Variants in GABRG3 observed in about 807,000 individuals in gnomAD.
GABRG3 encodes the protein gamma-aminobutyric acid receptor subunit gamma-3.
Under a neutral mutation model 48.8 loss-of-function variants are expected in GABRG3, and 25 were observed. That is an observed-to-expected ratio of 0.51 (90% CI 0.37 to 0.72). GABRG3 has a LOEUF of 0.72. GABRG3 is among the 30% of genes least tolerant of loss of function. The pLI is 0.00. For missense variants in GABRG3, 394 were observed against 577.9 expected, an observed-to-expected ratio of 0.68 and a Z score of 3.26; for synonymous variants, 227 against 217.6, an observed-to-expected ratio of 1.04 and a Z score of -0.38.
At chr15:27,466,167 G>A (rs528970550) in intron 5 of GABRG3, among the ~76,000 whole-genome samples, 44 of 152,294 alleles carry the variant, frequency 2.9e-4, no homozygotes, top group South Asian at 1.0e-3. Flanking sequence ...AGAGTCTGGC[G>A]TAGTTTCTAA....
At chr15:27,178,258 C>G (rs1887810169) in intron 3 of GABRG3, among the ~76,000 whole-genome samples, 1 of 152,204 alleles carries the variant, frequency 6.6e-6, no homozygotes, top group South Asian at 2.1e-4. Context: ...GTGTGAGTCA[C>G]ACCTACCTGG....
chr15:27,192,544 C>T (rs1187139312), intron 3 of GABRG3, among the ~76,000 whole-genome samples: 9 of 152,184 alleles, frequency 5.9e-5, no homozygotes, highest in Admixed American at 2.6e-4. Flanking sequence ...GCATTCTTCA[C>T]GTAGTTCTTG....
At chr15:27,308,643 T>G (rs1892850680) in intron 3 of GABRG3, among the ~76,000 whole-genome samples, 2 of 149,242 alleles carry the variant, frequency 1.3e-5, no homozygotes, top group Admixed American at 1.3e-4. Flanking sequence ...AATGTAAACA[T>G]ACGCTTATGT....
chr15:27,284,134 G>A (rs1307229567), intron 3 of GABRG3, among the ~76,000 whole-genome samples: 1 of 152,166 alleles, frequency 6.6e-6, no homozygotes, highest in Non-Finnish European at 1.5e-5. Flanking sequence ...ACTTATATTA[G>A]ACTTCAACTG....
At chr15:27,050,750 T>C (rs972487843) in intron 3 of GABRG3, among the ~76,000 whole-genome samples, 1 of 152,066 alleles carries the variant, frequency 6.6e-6, no homozygotes, top group African/African-American at 2.4e-5. Flanking sequence ...ATTAACTATT[T>C]CTTAAGTTAT....
At chr15:27,305,111 T>A (rs1313272004) in intron 3 of GABRG3, among the ~76,000 whole-genome samples, 1 of 151,892 alleles carries the variant, frequency 6.6e-6, no homozygotes. Context: ...TAACTTTCCA[T>A]ATGGTGTAAG....
rs2150867142 is a variant in GABRG3, at chr15:27,533,056, TTACACACACACATACA to T, written c.*188_*203del. 1.7e-6 allele frequency: 1 copy of T among 605,298 alleles called. No homozygotes were observed. The highest frequency in any genetic ancestry group is 2.0e-5 in the South Asian group (1 of 49,438). 37.5% of individuals were successfully genotyped at this position (605,298 alleles called of 1,614,324 possible). A position where few individuals can be genotyped will look rare whatever the true frequency, so the allele number is the denominator to read the frequency against. On this transcript the variant is annotated 3_prime_UTR_variant, in exon 10 of 10. Coordinates refer to ENST00000615808, the MANE Select transcript of GABRG3 (RefSeq NM_033223.5). ...CCAGCAAAGGTTTCTATTATGTATT[TTACACACACACATACA>T]TACACACACACAGCTAATTGAGTTT...
intron 5 of GABRG3, among the ~76,000 whole-genome samples, chr15:27,407,875 C>A (rs985325352): frequency 6.6e-6 from 1 of 152,120 alleles, no homozygotes; most frequent in Admixed American, 6.6e-5. Flanking sequence ...CTACTCTGTA[C>A]GATATTACAA....
rs1031306353 is a variant in GABRG3, at chr15:27,179,673, C to T, written c.271-147136C>T. ...GTTGTCCTGCCGGGGGTCCATTCATCTTGTATCTTCAGAAGTTTTGTTTGA... is the reference window on the plus strand; with the variant it reads ...GTTGTCCTGCCGGGGGTCCATTCATTTTGTATCTTCAGAAGTTTTGTTTGA... On this transcript the variant is annotated intron_variant, in intron 3 of 9. Transcript: ENST00000615808. The surrounding 1 kb of genome is among the most constrained non-coding windows in gnomAD (Gnocchi z 4.0). 2.0e-5 allele frequency among the ~76,000 whole-genome samples: 3 copies of T among 152,154 alleles called. No individual in the cohort carries two copies. In the South Asian group the frequency reaches 6.2e-4, roughly 32 times the overall value.
chr15:27,225,905 C>A (rs1889597039), intron 3 of GABRG3, among the ~76,000 whole-genome samples: 2 of 152,060 alleles, frequency 1.3e-5, no homozygotes, highest in African/African-American at 4.8e-5. Flanking sequence ...AGGAGGAGCC[C>A]AGATGAGAGA....
intron 3 of GABRG3, among the ~76,000 whole-genome samples, chr15:27,182,878 A>G (rs1887976876): frequency 6.6e-6 from 1 of 152,226 alleles, no homozygotes; most frequent in Non-Finnish European, 1.5e-5. Context: ...ATGGGAAACC[A>G]GTGTTTACGG....
At position 27,180,305 on chromosome 15, in the gene GABRG3, C is replaced by A. The variant is rs545017610; in HGVS notation, c.271-146504C>A. On this transcript the variant is annotated intron_variant, in intron 3 of 9. Coordinates refer to ENST00000615808, the MANE Select transcript of GABRG3 (RefSeq NM_033223.5). This position sits in a 1 kb window ranked among gnomAD's most constrained non-coding sequence, Gnocchi z 4.2. ...CACAATAGCAACTAGAGTAAACGGG[C>A]AAATGGCTTGAGTGAAAGGAAAAAA... Among the ~76,000 whole-genome samples, 1 of 151,910 alleles carries A rather than the reference C, an allele frequency of 6.6e-6. No homozygotes were observed. The highest frequency in any genetic ancestry group is 2.1e-4 in the South Asian group (1 of 4,810).
intron 3 of GABRG3, among the ~76,000 whole-genome samples, chr15:27,113,162 T>C (rs1447979172): frequency 1.3e-5 from 2 of 152,158 alleles, no homozygotes; most frequent in Admixed American, 6.5e-5. Flanking sequence ...TTATTTTTTT[T>C]CCAACAGTTA....
chr15:26,973,674 C>G (rs1894886071), intron 1 of GABRG3, among the ~76,000 whole-genome samples: 1 of 152,214 alleles, frequency 6.6e-6, no homozygotes, highest in Non-Finnish European at 1.5e-5. Context: ...ATAAAACGCA[C>G]TGATTCCCAC....
intron 3 of GABRG3, among the ~76,000 whole-genome samples, chr15:27,142,104 A>G (rs1898114408): frequency 6.6e-6 from 1 of 152,216 alleles, no homozygotes; most frequent in Non-Finnish European, 1.5e-5. Context: ...TCAGTATTTC[A>G]CAATTTATAA....
chr15:27,343,857 T>A (rs1449151450), intron 5 of GABRG3, among the ~76,000 whole-genome samples: 1 of 152,250 alleles, frequency 6.6e-6, no homozygotes, highest in East Asian at 1.9e-4. Context: ...TTATTTTTTA[T>A]GGGAGCAAGA....
rs368865916 is a variant in GABRG3 at position 27,352,975 on chromosome 15, T to C, written c.574+24087T>C. On this transcript the variant is annotated intron_variant, in intron 5 of 9. Coordinates refer to ENST00000615808, the MANE Select transcript of GABRG3 (RefSeq NM_033223.5). The surrounding 1 kb of genome is among the most constrained non-coding windows in gnomAD (Gnocchi z 4.0). ...CGTTTGATGGTTGGGTGTTAGGTATTTGAAGTGTGACGTCTACAAACCTCC... is the reference window on the plus strand; with the variant it reads ...CGTTTGATGGTTGGGTGTTAGGTATCTGAAGTGTGACGTCTACAAACCTCC... Among the ~76,000 whole-genome samples, 31 of 152,294 alleles carry C rather than the reference T, an allele frequency of 2.0e-4. No individual in the cohort carries two copies. Among genetic ancestry groups the C allele is most frequent in the African/African-American group, 7.5e-4 (31 of 41,548 alleles).
intron 3 of GABRG3, among the ~76,000 whole-genome samples, chr15:27,031,636 A>T (rs942384145): frequency 6.6e-6 from 1 of 152,176 alleles, no homozygotes; most frequent in Non-Finnish European, 1.5e-5. Flanking sequence ...TTAAAACTGA[A>T]AAGATGACAT....
chr15:27,177,900 G>A (rs1887796770), intron 3 of GABRG3, among the ~76,000 whole-genome samples: 1 of 152,132 alleles, frequency 6.6e-6, no homozygotes, highest in Non-Finnish European at 1.5e-5. Flanking sequence ...GAGCACAGTG[G>A]TGGTCAGAGG....
Sources: allele counts gnomAD v4.1 joint callset (sites outside exome capture counted in the v4.1 genomes callset), GRCh38; gene constraint gnomAD v4.1.1; non-coding constraint Gnocchi (gnomAD v3.1); transcripts MANE v1.5; gene names NCBI Gene and HGNC (gene_info 2026-07-23, HGNC 2026-07-21).